The following ANK3 variants were observed in gnomAD, a reference collection of about 807,000 sequenced individuals.
The protein encoded by ANK3 is ankyrin-3.
Under a neutral mutation model 370.9 loss-of-function variants are expected in ANK3, and 57 were observed. That is an observed-to-expected ratio of 0.15 (90% CI 0.12 to 0.19). The LOEUF (loss-of-function observed/expected upper bound fraction) is 0.19, where lower values mean the gene tolerates loss of function less well. Among genes scored for constraint, ANK3 ranks in the 10% least tolerant of loss-of-function variants. ANK3 has a pLI of 1.00. For synonymous variants in ANK3, 1,929 were observed against 1,946.3 expected, an observed-to-expected ratio of 0.99 and a Z score of 0.23; for missense variants, 4,439 against 5,302.1, an observed-to-expected ratio of 0.84 and a Z score of 5.06.
chr10:60,268,815 T>C (rs1030166318), intron 5 of ANK3, among the ~76,000 whole-genome samples: 1 of 152,168 alleles, frequency 6.6e-6, no homozygotes, highest in Non-Finnish European at 1.5e-5. Context: ...CATGAAATTT[T>C]TGTTTTTAGT....
chr10:60,069,435 A>G lies in ANK3; in HGVS notation c.11446T>C (p.Cys3816Arg), dbSNP rs1011976239. ...ACTGGGTTATCTTTCTCTGTGGTACAAGTGGGTGCAGAATGTTCTGTCAGA... is the reference window on the plus strand; with the variant it reads ...ACTGGGTTATCTTTCTCTGTGGTACGAGTGGGTGCAGAATGTTCTGTCAGA... The part of the protein sequence containing the change: ...IVLTEHSAPT[C>R]TTEKDNPVKV... The change falls in exon 37 of 44, where the codon TGT (cysteine) becomes CGT (arginine). Residue 3816 changes from cysteine to arginine, a missense_variant. By Grantham distance (180) the Cys-to-Arg change is radical. This residue lies in a region of ANK3 where 496 missense variants were observed against 529.3 expected (regional missense o/e 0.94). Coordinates refer to ENST00000280772, the MANE Select transcript of ANK3 (RefSeq NM_020987.5). 5.0e-6 allele frequency: 8 copies of G among 1,613,928 alleles called. No homozygotes were observed. The highest frequency in any genetic ancestry group is 6.8e-6 in the Non-Finnish European group (8 of 1,179,996).
intron 25 of ANK3, 40 bp from the exon 26 acceptor site, chr10:60,114,371 C>A: frequency 8.8e-7 from 1 of 1,130,536 alleles, no homozygotes; most frequent in African/African-American, 1.5e-5. Context: ...ATCAACAAAC[C>A]ATACAAGACT....
At chr10:60,729,194 C>A (rs903611116) in intron 1 of ANK3, among the ~76,000 whole-genome samples, 1 of 152,124 alleles carries the variant, frequency 6.6e-6, no homozygotes, top group Non-Finnish European at 1.5e-5. Context: ...TAATGTGTAT[C>A]AAGCCCTATG....
At chr10:60,494,433 T>A (rs2075601545) in intron 2 of ANK3, among the ~76,000 whole-genome samples, 1 of 152,186 alleles carries the variant, frequency 6.6e-6, no homozygotes, top group Non-Finnish European at 1.5e-5. Context: ...TGCTGATATA[T>A]AGTTCTATGT....
At chr10:60,402,665 C>T (rs2063375185) in intron 2 of ANK3, among the ~76,000 whole-genome samples, 1 of 152,200 alleles carries the variant, frequency 6.6e-6, no homozygotes. Context: ...TTGCACACTT[C>T]CATTCTGTTT....
chr10:60,726,514 G>A (rs1357607337), intron 1 of ANK3, among the ~76,000 whole-genome samples: 1 of 152,120 alleles, frequency 6.6e-6, no homozygotes, highest in East Asian at 1.9e-4. Flanking sequence ...ATATTGTAAA[G>A]GAGCTGCTTC....
In ANK3 at chr10:60,075,677, C is replaced by T; in HGVS notation, c.5204G>A (p.Cys1735Tyr). 6 of 1,614,130 alleles carry T rather than the reference C, an allele frequency of 3.7e-6. No homozygotes were observed. In the South Asian group the frequency reaches 4.4e-5, roughly 12 times the overall value. The change falls in exon 37 of 44, where the codon TGC becomes TAC. Residue 1735 changes from cysteine (C) to tyrosine (Y), a missense_variant. Cys to Tyr is a radical substitution (Grantham distance 194). Around this residue, in one of 13 missense-constraint regions of ANK3, gnomAD observed 679 missense variants for 791.0 expected, o/e 0.86. Coordinates refer to ENST00000280772, the MANE Select transcript of ANK3 (RefSeq NM_020987.5). ...TTCCTGTAACGTGGCAGTGGCTTTGCATCCATTAATTAAAGTTGAGGATGA... is the reference window on the plus strand; with the variant it reads ...TTCCTGTAACGTGGCAGTGGCTTTGTATCCATTAATTAAAGTTGAGGATGA... ...YPSSSTLINGCKATATLQEKI... is the reference protein window; with the variant it reads ...YPSSSTLINGYKATATLQEKI...
intron 2 of ANK3, among the ~76,000 whole-genome samples, chr10:60,406,149 T>C (rs535842143): frequency 6.6e-6 from 1 of 152,354 alleles, no homozygotes; most frequent in Non-Finnish European, 1.5e-5. Context: ...ATATAGTAGA[T>C]ATTTTAGGCT....
At chr10:60,245,964 A>T (rs568271869) in intron 7 of ANK3, among the ~76,000 whole-genome samples, 1 of 152,298 alleles carries the variant, frequency 6.6e-6, no homozygotes, top group South Asian at 2.1e-4. Context: ...CATTATTAAG[A>T]TAACCACTAG....
At chr10:60,534,540 A>G (rs2076680284) in intron 2 of ANK3, among the ~76,000 whole-genome samples, 1 of 152,136 alleles carries the variant, frequency 6.6e-6, no homozygotes, top group South Asian at 2.1e-4. Flanking sequence ...TGCATAAAAT[A>G]TATTGGCACT....
intron 1 of ANK3, among the ~76,000 whole-genome samples, chr10:60,699,334 C>A (rs1471698432): frequency 6.6e-6 from 1 of 151,992 alleles, no homozygotes; most frequent in Admixed American, 6.5e-5. Flanking sequence ...AAAAGAACTG[C>A]TGAACCCTGT....
chr10:60,489,627 A>C (rs2075441191), intron 2 of ANK3, among the ~76,000 whole-genome samples: 1 of 152,284 alleles, frequency 6.6e-6, no homozygotes, highest in South Asian at 2.1e-4. Context: ...TTTCACCATG[A>C]CTGTGTTGCT....
At chr10:60,315,714 A>T (rs534720802) in intron 1 of ANK3, among the ~76,000 whole-genome samples, 3 of 150,738 alleles carry the variant, frequency 2.0e-5, no homozygotes, top group Non-Finnish European at 3.0e-5. Flanking sequence ...GAAAGTTCAA[A>T]ATATATATAT....
intron 1 of ANK3, among the ~76,000 whole-genome samples, chr10:60,325,631 C>T (rs1043470673): frequency 6.6e-6 from 1 of 152,182 alleles, no homozygotes; most frequent in Admixed American, 6.5e-5. Flanking sequence ...ACACAAGCTC[C>T]TGGTATCTTT....
chr10:60,272,690 G>A (rs966312435), intron 4 of ANK3, among the ~76,000 whole-genome samples: 1 of 152,086 alleles, frequency 6.6e-6, no homozygotes, highest in Non-Finnish European at 1.5e-5. Flanking sequence ...ATGTTGGCCA[G>A]GATGGCCTTG....
intron 1 of ANK3, among the ~76,000 whole-genome samples, chr10:60,616,277 A>T (rs1299882840): frequency 1.3e-5 from 2 of 152,176 alleles, no homozygotes; most frequent in East Asian, 3.8e-4. Context: ...ACAACTTCTA[A>T]AACAGTAAAT....
At chr10:60,259,390 TC>T (rs1264814532) in intron 7 of ANK3, among the ~76,000 whole-genome samples, 1 of 152,136 alleles carries the variant, frequency 6.6e-6, no homozygotes, top group Non-Finnish European at 1.5e-5. Context: ...CTATTAGACC[TC>T]ATTAATTAGG....
At chr10:60,385,669 T>C (rs1213032606) in intron 1 of ANK3, among the ~76,000 whole-genome samples, 1 of 152,210 alleles carries the variant, frequency 6.6e-6, no homozygotes, top group Non-Finnish European at 1.5e-5. Flanking sequence ...AATCATGGAA[T>C]TAATTGTCAT....
intron 2 of ANK3, among the ~76,000 whole-genome samples, chr10:60,522,511 C>T (rs1333964170): frequency 1.3e-5 from 2 of 152,110 alleles, no homozygotes; most frequent in East Asian, 3.9e-4. Context: ...TGACCTTCTA[C>T]CTGGACCCAG....
Sources: allele counts gnomAD v4.1 joint callset (sites outside exome capture counted in the v4.1 genomes callset), GRCh38; gene constraint gnomAD v4.1.1; regional missense constraint gnomAD v4.1.1; transcripts MANE v1.5; gene names NCBI Gene and HGNC (gene_info 2026-07-23, HGNC 2026-07-21).